The following FBXW7 variants were observed in gnomAD, a reference collection of about 807,000 sequenced individuals.
FBXW7 encodes the protein F-box and WD repeat domain containing 7.
FBXW7 carries 11 observed loss-of-function variants against 86.3 expected under a neutral mutation model. The observed-to-expected ratio is 0.13, with a 90% confidence interval of 0.08 to 0.21. The LOEUF (loss-of-function observed/expected upper bound fraction) is 0.21, where lower values mean the gene tolerates loss of function less well. Among genes scored for constraint, FBXW7 ranks in the 10% least tolerant of loss-of-function variants. FBXW7 has a pLI of 1.00. For synonymous variants in FBXW7, 313 were observed against 297.9 expected, an observed-to-expected ratio of 1.05 and a Z score of -0.52; for missense variants, 488 against 847.4, an observed-to-expected ratio of 0.58 and a Z score of 5.27.
At chr4:152,449,984 C>A (rs1437692758) in intron 2 of FBXW7, among the ~76,000 whole-genome samples, 1 of 152,124 alleles carries the variant, frequency 6.6e-6, no homozygotes, top group East Asian at 1.9e-4. Context: ...ATAATAAACA[C>A]CTTGAATTAA....
At chr4:152,377,596 A>G (rs2126763363) in intron 4 of FBXW7, among the ~76,000 whole-genome samples, 1 of 126,644 alleles carries the variant, frequency 7.9e-6, no homozygotes, top group South Asian at 2.5e-4. Context: ...TACTAAAAAT[A>G]TCAAAAAAAA....
At chr4:152,426,381 G>C (rs532794986) in intron 2 of FBXW7, among the ~76,000 whole-genome samples, 1 of 146,786 alleles carries the variant, frequency 6.8e-6, no homozygotes, top group Non-Finnish European at 1.5e-5. Context: ...AAACAGTCTC[G>C]CTCTGTTGCC....
chr4:152,487,135 T>C (rs576989012), intron 2 of FBXW7, among the ~76,000 whole-genome samples: 2 of 152,212 alleles, frequency 1.3e-5, no homozygotes, highest in South Asian at 4.1e-4. Context: ...GAATAATAGA[T>C]GTAGAAAATC....
In FBXW7 at chr4:152,387,629, C is replaced by G. The variant is rs529851850; in HGVS notation, c.501+23674G>C. Among the ~76,000 whole-genome samples, 96 of 147,098 alleles carry G rather than the reference C, an allele frequency of 6.5e-4. 1 individual carries two copies. Among genetic ancestry groups the G allele is most frequent in the African/African-American group, 2.3e-3 (92 of 40,128 alleles). ...CTGTAAAAAAAAAAAAAAAAACATC[C>G]AGCAAGCAACATATTACTTTAAATG... On this transcript the variant is annotated intron_variant, in intron 4 of 13. Transcript: ENST00000281708.
chr4:152,348,905 G>C (rs1221587782), intron 5 of FBXW7: 1 of 162,776 alleles, frequency 6.1e-6, no homozygotes, highest in Non-Finnish European at 1.4e-5. Context: ...TAACAGGAAG[G>C]GGGACAGTTA....
intron 2 of FBXW7, among the ~76,000 whole-genome samples, chr4:152,422,749 C>T (rs1262214234): frequency 6.6e-6 from 1 of 152,172 alleles, no homozygotes; most frequent in African/African-American, 2.4e-5. Context: ...CTGATTCAGT[C>T]ATAGCCCCTT....
At chr4:152,532,742 G>A (rs532753088) in intron 2 of FBXW7, among the ~76,000 whole-genome samples, 21 of 152,168 alleles carry the variant, frequency 1.4e-4, no homozygotes, top group East Asian at 3.9e-4. Context: ...CATCCAGTGC[G>A]GTCTTAGATA....
intron 2 of FBXW7, among the ~76,000 whole-genome samples, chr4:152,431,705 TA>T (rs1351713226): frequency 6.6e-6 from 1 of 152,172 alleles, no homozygotes; most frequent in Non-Finnish European, 1.5e-5. Context: ...CAAGCAGTAG[TA>T]AATGAAATTA....
At chr4:152,494,765 C>T (rs1322077048) in intron 2 of FBXW7, among the ~76,000 whole-genome samples, 4 of 152,074 alleles carry the variant, frequency 2.6e-5, no homozygotes, top group Non-Finnish European at 5.9e-5. Flanking sequence ...GTAAAATCTA[C>T]CAGAAAGGCT....
Position 152,322,757 on chromosome 4 carries a change from C to A in FBXW7, c.*124G>T. 1 of 1,458,474 alleles carries A rather than the reference C, an allele frequency of 6.9e-7. No individual in the cohort carries two copies. The highest frequency in any genetic ancestry group is 9.1e-7 in the Non-Finnish European group (1 of 1,098,324). 90.3% of individuals were successfully genotyped at this position (1,458,474 alleles called of 1,614,324 possible). ...GGTCTTTTCAATCTGTTGCCCCAAG[C>A]CAACATCCTGCACCACTGAGAACAA... On this transcript the variant is annotated 3_prime_UTR_variant, in exon 14 of 14. Transcript: ENST00000281708.
At chr4:152,365,818 G>C (rs1411457467) in intron 4 of FBXW7, among the ~76,000 whole-genome samples, 1 of 152,168 alleles carries the variant, frequency 6.6e-6, no homozygotes, top group Admixed American at 6.5e-5. Context: ...ATTTCCCAGT[G>C]CTTGAAGCCA....
chr4:152,322,541 C>T lies in FBXW7; in HGVS notation c.*340G>A, dbSNP rs976934838. On this transcript the variant is annotated 3_prime_UTR_variant, in exon 14 of 14. Transcript: ENST00000281708. Reference sequence around the variant, plus strand: ...GCTAGCAGAATCTGTAATGATGTTTCAGCATTAACACTGCCCAATGACCAC... The same window carrying T: ...GCTAGCAGAATCTGTAATGATGTTTTAGCATTAACACTGCCCAATGACCAC... 8 of 294,004 alleles carry T rather than the reference C, an allele frequency of 2.7e-5. No homozygotes were observed. Among genetic ancestry groups the T allele is most frequent in the Admixed American group, 9.2e-5 (2 of 21,842 alleles). 18.2% of individuals were successfully genotyped at this position (294,004 alleles called of 1,614,324 possible). A position where few individuals can be genotyped will look rare whatever the true frequency, so the allele number is the denominator to read the frequency against.
chr4:152,384,799 T>G (rs1005715455), intron 4 of FBXW7, among the ~76,000 whole-genome samples: 3 of 151,820 alleles, frequency 2.0e-5, no homozygotes, highest in Non-Finnish European at 4.4e-5. Context: ...AGAGAAGAGA[T>G]AATATGAGAG....
At chr4:152,425,880 C>G (rs1002577593) in intron 2 of FBXW7, among the ~76,000 whole-genome samples, 20 of 152,298 alleles carry the variant, frequency 1.3e-4, no homozygotes, top group African/African-American at 4.8e-4. Flanking sequence ...GAACACCTAT[C>G]ATTGTTCAGG....
intron 2 of FBXW7, among the ~76,000 whole-genome samples, chr4:152,499,033 T>C (rs1043049659): frequency 3.3e-5 from 5 of 152,128 alleles, no homozygotes; most frequent in African/African-American, 9.7e-5. Flanking sequence ...TTTATTAATA[T>C]ATTAGGGGAT....
intron 2 of FBXW7, among the ~76,000 whole-genome samples, chr4:152,443,907 T>C (rs567957793): frequency 2.6e-5 from 4 of 152,302 alleles, no homozygotes; most frequent in South Asian, 2.1e-4. Flanking sequence ...AGTAGAAAAT[T>C]TGAAAACATA....
At chr4:152,328,569 ATT>A (rs1729269545) in intron 10 of FBXW7, 180 bp from the exon 11 acceptor site, 1 of 443,242 alleles carries the variant, frequency 2.3e-6, no homozygotes, top group Non-Finnish European at 3.9e-6. Flanking sequence ...ATTCAAAAGC[ATT>A]ATAAATTTAT....
chr4:152,504,664 C>T (rs996220702), intron 2 of FBXW7, among the ~76,000 whole-genome samples: 4 of 152,070 alleles, frequency 2.6e-5, no homozygotes, highest in Non-Finnish European at 5.9e-5. Flanking sequence ...GTGTCTGAAA[C>T]GATTTAGATA....
intron 2 of FBXW7, among the ~76,000 whole-genome samples, chr4:152,434,877 T>C (rs924529146): frequency 2.6e-5 from 4 of 152,062 alleles, no homozygotes; most frequent in Admixed American, 2.6e-4. Context: ...GATTTTATCC[T>C]ACAGAACAGT....
Sources: gnomAD v4.1 joint callset for allele counts (sites outside exome capture counted in the v4.1 genomes callset) on GRCh38, gnomAD v4.1.1 for gene constraint, MANE v1.5 for transcripts, NCBI Gene and HGNC (gene_info 2026-07-23, HGNC 2026-07-21) for gene names.